HHLA2: variants seen among roughly 807,000 people sequenced by gnomAD.
The protein encoded by HHLA2 is HERV-H LTR-associating protein 2.
HHLA2 carries 48 observed loss-of-function variants against 45.9 expected under a neutral mutation model. The observed-to-expected ratio is 1.05, with a 90% CI of 0.83 to 1.33. The LOEUF (loss-of-function observed/expected upper bound fraction) is 1.33, where lower values mean the gene tolerates loss of function less well. Among genes scored for constraint, HHLA2 ranks in the 40% most tolerant of loss-of-function variants. HHLA2 has a pLI of 0.00. For missense variants in HHLA2, 462 were observed against 494.3 expected, an observed-to-expected ratio of 0.93 and a Z score of 0.62; for synonymous variants, 161 against 173.9, an observed-to-expected ratio of 0.93 and a Z score of 0.59.
intron 2 of HHLA2, among the ~76,000 whole-genome samples, chr3:108,326,979 G>A (rs2081300556): frequency 6.6e-6 from 1 of 152,004 alleles, no homozygotes; most frequent in African/African-American, 2.4e-5. Context: ...AAACATGCCT[G>A]TAGTATTTCA....
chr3:108,320,183 T>TGGC (rs766951836), intron 2 of HHLA2, among the ~76,000 whole-genome samples: 15 of 152,364 alleles, frequency 9.8e-5, no homozygotes, highest in Non-Finnish European at 1.8e-4. Flanking sequence ...TTAAAAAGCA[T>TGGC]GGCCAATTTT....
chr3:108,323,687 T>G (rs960262248), intron 2 of HHLA2, among the ~76,000 whole-genome samples: 1 of 152,184 alleles, frequency 6.6e-6, no homozygotes, highest in South Asian at 2.1e-4. Flanking sequence ...TTCATATAAC[T>G]AAAAGCCTAA....
At chr3:108,376,774 G>A (rs1010081379) in intron 10 of HHLA2, 38 of 453,612 alleles carry the variant, frequency 8.4e-5, no homozygotes, top group Admixed American at 3.5e-4. Flanking sequence ...ATACATGGTT[G>A]TTCTTCTTGT....
intron 4 of HHLA2, among the ~76,000 whole-genome samples, chr3:108,353,212 G>A (rs761161559): frequency 1.2e-4 from 18 of 152,298 alleles, no homozygotes; most frequent in Admixed American, 2.0e-4. Flanking sequence ...AGTTCTCCCA[G>A]TTACATTGCA....
intron 9 of HHLA2, 91 bp downstream of exon 8, chr3:108,375,891 A>G: frequency 2.0e-6 from 3 of 1,485,766 alleles, no homozygotes; most frequent in Non-Finnish European, 2.7e-6. Flanking sequence ...AGTATTGGCC[A>G]CTTTAAAAAA....
intron 2 of HHLA2, among the ~76,000 whole-genome samples, chr3:108,312,733 T>G (rs2081041058): frequency 6.6e-6 from 1 of 152,248 alleles, no homozygotes; most frequent in East Asian, 1.9e-4. Context: ...CCTTTCTCTG[T>G]CCTACTTCCT....
intron 4 of HHLA2, among the ~76,000 whole-genome samples, chr3:108,353,123 C>T (rs1051425438): frequency 6.6e-6 from 1 of 152,096 alleles, no homozygotes; most frequent in African/African-American, 2.4e-5. Context: ...ACATGATTTC[C>T]AGGCCAGGAT....
At chr3:108,333,248 T>C (rs1386922616) in intron 3 of HHLA2, among the ~76,000 whole-genome samples, 1 of 152,130 alleles carries the variant, frequency 6.6e-6, no homozygotes, top group African/African-American at 2.4e-5. Context: ...AGTCACATAG[T>C]CATTAAGTAG....
intron 10 of HHLA2, 148 bp downstream of exon 9, chr3:108,376,705 C>A: frequency 3.4e-6 from 2 of 580,670 alleles, no homozygotes; most frequent in Non-Finnish European, 6.0e-6. Context: ...TAATATAGCA[C>A]GAAAAATATA....
intron 7 of HHLA2, among the ~76,000 whole-genome samples, chr3:108,359,846 T>A (rs1240183610): frequency 1.3e-5 from 2 of 152,178 alleles, no homozygotes; most frequent in African/African-American, 2.4e-5. Context: ...CCTGAAACTA[T>A]GGACAGTACT....
At chr3:108,301,872 G>C (rs59158075) in intron 1 of HHLA2, among the ~76,000 whole-genome samples, 2 of 151,930 alleles carry the variant, frequency 1.3e-5, no homozygotes, top group East Asian at 1.9e-4. Flanking sequence ...GGTTTCATCC[G>C]AGTGACTCGA....
At chr3:108,375,774 G>A in exon 9 of HHLA2, 1 of 1,611,300 alleles carries the variant, frequency 6.2e-7, no homozygotes, top group Non-Finnish European at 8.5e-7. Context: ...AGGAGGAGCA[G>A]ACACCCTGCT....
chr3:108,375,586 C>G (rs1005635337), intron 8 of HHLA2, among the ~76,000 whole-genome samples, 164 bp from the exon 8 acceptor site: 1 of 151,892 alleles, frequency 6.6e-6, no homozygotes, highest in African/African-American at 2.4e-5. Context: ...CAAAAAATAA[C>G]TAAGATCAGA....
exon 8 of HHLA2, chr3:108,362,405 T>C (rs1378655341): frequency 6.2e-7 from 1 of 1,612,746 alleles, no homozygotes. Flanking sequence ...TCTGCGATTT[T>C]GGCAGCTTTT....
chr3:108,377,299 C>A (rs770527809), exon 11 of HHLA2: 1 of 1,562,204 alleles, frequency 6.4e-7, no homozygotes, highest in Admixed American at 1.7e-5. Context: ...AAGACTGTGA[C>A]AACTCATGAC....
chr3:108,364,734 C>T (rs965484039), intron 8 of HHLA2, among the ~76,000 whole-genome samples: 1 of 152,194 alleles, frequency 6.6e-6, no homozygotes, highest in Non-Finnish European at 1.5e-5. Context: ...ATTTGCATTT[C>T]TCTAATGACC....
intron 3 of HHLA2, among the ~76,000 whole-genome samples, chr3:108,346,196 A>C (rs548766628): frequency 6.6e-6 from 1 of 152,224 alleles, no homozygotes; most frequent in African/African-American, 2.4e-5. Flanking sequence ...AGGCAAAGAC[A>C]GCACCCCTAG....
intron 3 of HHLA2, among the ~76,000 whole-genome samples, chr3:108,330,631 G>A (rs1472619938): frequency 1.3e-5 from 2 of 152,128 alleles, no homozygotes; most frequent in Non-Finnish European, 2.9e-5. Context: ...GAAATGGTGG[G>A]TGTCTCTAGG....
At chr3:108,358,055 C>G (rs778827974) in exon 7 of HHLA2, 2 of 1,613,664 alleles carry the variant, frequency 1.2e-6, no homozygotes. Flanking sequence ...ACCAGAGTGA[C>G]TTCTCTATGA....
Sources: gnomAD v4.1 joint callset for allele counts (sites outside exome capture counted in the v4.1 genomes callset) on GRCh38, gnomAD v4.1.1 for gene constraint, MANE v1.5 for transcripts, NCBI Gene and HGNC (gene_info 2026-07-23, HGNC 2026-07-21) for gene names.